TMEM266: variants seen among roughly 807,000 people sequenced by gnomAD.
TMEM266 encodes Hv1 related protein 1.
A neutral mutation model predicts 50.5 loss-of-function variants in TMEM266; 33 were observed. The observed-to-expected ratio is 0.65, with a 90% confidence interval of 0.50 to 0.87. The LOEUF is 0.87. TMEM266 is among the 40% of genes least tolerant of loss of function. TMEM266 has a pLI of 0.00. For synonymous variants in TMEM266, 310 were observed against 292.3 expected (o/e 1.06, Z -0.62); for missense variants, 655 against 695.1 (o/e 0.94, Z 0.65).
At chr15:76,074,007 T>C (rs1476426393) in intron 1 of TMEM266, among the ~76,000 whole-genome samples, 1 of 151,350 alleles carries the variant, frequency 6.6e-6, no homozygotes, top group African/African-American at 2.5e-5. Flanking sequence ...AGTCGAATAC[T>C]ATTGCCACAC....
intron 1 of TMEM266, among the ~76,000 whole-genome samples, chr15:76,063,588 C>A (rs1003773372): frequency 2.0e-5 from 3 of 152,182 alleles, no homozygotes; most frequent in South Asian, 4.1e-4. Context: ...CCCACAGCAT[C>A]CTTTCCTCCT....
intron 8 of TMEM266, among the ~76,000 whole-genome samples, chr15:76,184,327 G>A (rs547959766): frequency 2.8e-4 from 43 of 152,334 alleles, no homozygotes; most frequent in African/African-American, 9.9e-4. Flanking sequence ...GATAAAATCA[G>A]CCATCAGAGG....
intron 3 of TMEM266, among the ~76,000 whole-genome samples, 172 bp downstream of exon 3, chr15:76,138,067 C>G (rs1213135921): frequency 6.6e-6 from 1 of 151,918 alleles, no homozygotes; most frequent in East Asian, 1.9e-4. Context: ...ACTAAAAATA[C>G]AAAAATTAGC....
At chr15:76,092,477 G>A (rs1214111934) in intron 1 of TMEM266, among the ~76,000 whole-genome samples, 4 of 151,980 alleles carry the variant, frequency 2.6e-5, no homozygotes, top group Admixed American at 6.5e-5. Context: ...ATCAGCTGAG[G>A]TCAGGAGTTT....
At chr15:76,186,494 C>T (rs745697165) in intron 8 of TMEM266, among the ~76,000 whole-genome samples, 8 of 152,192 alleles carry the variant, frequency 5.3e-5, no homozygotes, top group Non-Finnish European at 1.2e-4. Context: ...GGACAGCTTC[C>T]AGTCACCCCA....
chr15:76,124,831 G>GA (rs374244174), intron 1 of TMEM266, among the ~76,000 whole-genome samples: 17 of 144,798 alleles, frequency 1.2e-4, no homozygotes, highest in East Asian at 4.0e-4. Context: ...ACTTTTCACA[G>GA]AAAAAAAAAA....
intron 1 of TMEM266, among the ~76,000 whole-genome samples, chr15:76,111,607 C>T (rs2142011815): frequency 6.6e-6 from 1 of 152,216 alleles, no homozygotes; most frequent in African/African-American, 2.4e-5. Flanking sequence ...GGGGTTTCCC[C>T]ATGTTGGGCA....
At position 76,144,864 on chromosome 15, in the gene TMEM266, G is replaced by A. The variant is rs544672939; in HGVS notation, c.227+6969G>A. Among the ~76,000 whole-genome samples the A allele has an allele frequency of 1.3e-3, 192 of 152,288 alleles. 2 individuals are homozygous for A. Among genetic ancestry groups the A allele is most frequent in the Non-Finnish European group, 2.4e-3 (161 of 68,026 alleles). On this transcript the variant is annotated intron_variant, in intron 3 of 10. Coordinates refer to ENST00000388942, the MANE Select transcript of TMEM266 (RefSeq NM_152335.3). ...CCAGCTGAGCCGCCCACAATGCCCT[G>A]TTACATGGATAACCTCAGGGGCCAG... is the stretch of plus-strand genomic sequence containing the variant.
At chr15:76,126,849 TAAAAG>T (rs2037431679) in intron 1 of TMEM266, among the ~76,000 whole-genome samples, 1 of 152,056 alleles carries the variant, frequency 6.6e-6, no homozygotes, top group African/African-American at 2.4e-5. Flanking sequence ...ATCTTTTTTT[TAAAAG>T]AAAAGTTGAA....
Position 76,154,881 on chromosome 15 carries a change from A to G in TMEM266, c.228-1723A>G, listed in dbSNP as rs534561324. On this transcript the variant is annotated intron_variant, in intron 3 of 10. Transcript: ENST00000388942. Reference sequence around the variant, plus strand: ...ACTCCTTCAGGCTTTCCCTGGATGGACTGTGAGGAAGAAGTCTCCTTGAAG... The same window carrying G: ...ACTCCTTCAGGCTTTCCCTGGATGGGCTGTGAGGAAGAAGTCTCCTTGAAG... Among the ~76,000 whole-genome samples, 809 of 152,296 alleles carry G rather than the reference A, an allele frequency of 5.3e-3. 3 individuals are homozygous for G. Among genetic ancestry groups the G allele is most frequent in the Non-Finnish European group, 8.9e-3 (606 of 68,018 alleles).
rs562141078 is a variant in TMEM266, at chr15:76,192,347, C to T, written c.958+190C>T. On this transcript the variant is annotated intron_variant, in intron 9 of 10. Coordinates refer to ENST00000388942, the MANE Select transcript of TMEM266 (RefSeq NM_152335.3). ...CTGCCTGTCAGAGCCCAGGAGAGAG[C>T]ATGTAGTCCAGCCACCGACCCAAAC... is the stretch of plus-strand genomic sequence containing the variant. 1.4e-3 allele frequency among the ~76,000 whole-genome samples: 207 copies of T among 149,464 alleles called. 1 individual carries two copies. The highest frequency in any genetic ancestry group is 2.3e-3 in the Non-Finnish European group (156 of 67,698).
intron 9 of TMEM266, among the ~76,000 whole-genome samples, chr15:76,195,300 T>C (rs1395014618): frequency 6.6e-6 from 1 of 152,150 alleles, no homozygotes; most frequent in African/African-American, 2.4e-5. Flanking sequence ...TTGCATTGAA[T>C]GTAATCTTCA....
intron 3 of TMEM266, among the ~76,000 whole-genome samples, chr15:76,149,361 C>T (rs939053394): frequency 2.0e-5 from 3 of 152,088 alleles, no homozygotes; most frequent in African/African-American, 7.2e-5. Flanking sequence ...CTGTAGGCTC[C>T]GTGAGGATGA....
At chr15:76,158,023 TA>T (rs2037954004) in intron 4 of TMEM266, among the ~76,000 whole-genome samples, 1 of 151,910 alleles carries the variant, frequency 6.6e-6, no homozygotes, top group Non-Finnish European at 1.5e-5. Context: ...AATAAATAAA[TA>T]AATAGAGGTA....
At chr15:76,102,668 A>C (rs1016392721) in intron 1 of TMEM266, among the ~76,000 whole-genome samples, 1 of 151,952 alleles carries the variant, frequency 6.6e-6, no homozygotes. Flanking sequence ...ACAAAACTCT[A>C]TCTCTACTAA....
chr15:76,171,800 A>G (rs1457644389), intron 7 of TMEM266, among the ~76,000 whole-genome samples: 1 of 152,186 alleles, frequency 6.6e-6, no homozygotes, highest in African/African-American at 2.4e-5. Context: ...TCTTGTCTGG[A>G]AAGCTGTGCC....
chr15:76,109,663 A>G (rs2955754), intron 1 of TMEM266, among the ~76,000 whole-genome samples: 6,102 of 152,016 alleles, frequency 0.04, 387 homozygotes, highest in African/African-American at 0.14. Flanking sequence ...CTTGACTCCA[A>G]TAAATTATAA....
rs147646086 is a variant in TMEM266, at chr15:76,204,131, C to T, written c.1412C>T (p.Ser471Leu). 262 of 1,613,286 alleles carry T rather than the reference C, an allele frequency of 1.6e-4. 1 individual carries two copies. In the African/African-American group the frequency reaches 2.5e-3, roughly 15 times the overall value. Residue 471 changes from serine (S) to leucine (L), a missense_variant, in exon 11 of 11, where the codon TCG becomes TTG. Physicochemically the swap from Ser to Leu is moderately radical, Grantham distance 145. Transcript: ENST00000388942. ...CTCGCCCGGCCCAGCCCAGCGGGCT[C>T]GGCCCAAACCAGCCCCGAGCTGGAA...
At chr15:76,087,933 A>C (rs565444096) in intron 1 of TMEM266, among the ~76,000 whole-genome samples, 34 of 152,324 alleles carry the variant, frequency 2.2e-4, no homozygotes, top group African/African-American at 7.7e-4. Context: ...AGGTGCACAG[A>C]GACTTCCAAG....
Sources: allele counts gnomAD v4.1 joint callset (sites outside exome capture counted in the v4.1 genomes callset), GRCh38; gene constraint gnomAD v4.1.1; transcripts MANE v1.5; gene names NCBI Gene and HGNC (gene_info 2026-07-23, HGNC 2026-07-21).